PLA1A: variants seen among roughly 807,000 people sequenced by gnomAD.
PLA1A encodes phospholipase A1 member A.
PLA1A carries 47 observed loss-of-function variants against 49.4 expected under a neutral mutation model. The ratio of observed to expected loss-of-function variants is 0.95; its 90% CI spans 0.75 to 1.21. PLA1A has a LOEUF of 1.21. Among genes scored for constraint, PLA1A ranks in the 50% most tolerant of loss-of-function variants. The pLI is 0.00. For missense variants in PLA1A, 561 were observed against 563.9 expected (o/e 0.99, Z 0.05); for synonymous variants, 224 against 207.9 (o/e 1.08, Z -0.67).
intron 9 of PLA1A, 30 bp downstream of exon 9, chr3:119,625,262 T>TAAGGGGAGGAGTCAA: frequency 2.2e-6 from 3 of 1,388,872 alleles, no homozygotes; most frequent in Non-Finnish European, 2.1e-6. Flanking sequence ...GGTTGACTCC[T>TAAGGGGAGGAGTCAA]CCCCTTAGGA....
Position 119,609,503 on chromosome 3 carries a change from T to G in PLA1A, c.489T>G (p.Ile163Met). The G allele has an allele frequency of 1.2e-6, 2 of 1,613,074 alleles. No individual in the cohort carries two copies. Among genetic ancestry groups the G allele is most frequent in the Non-Finnish European group, 1.7e-6 (2 of 1,179,092 alleles). The change falls in exon 4 of 11, where the codon ATT (isoleucine) becomes ATG (methionine). Residue 163 changes from isoleucine to methionine, a missense_variant. Transcript: ENST00000273371. ...LGVSESSIHI[I>M]GVSLGAHVGG... ...TGTCGGAATCCTCAATCCACATCAT[T>G]GGTGTTAGCCTGGGGGCCCACGTTG... is the stretch of plus-strand genomic sequence containing the variant.
At chr3:119,610,900 G>A (rs540669512) in intron 4 of PLA1A, among the ~76,000 whole-genome samples, 2 of 152,126 alleles carry the variant, frequency 1.3e-5, no homozygotes, top group Non-Finnish European at 2.9e-5. Flanking sequence ...CTAATATTCA[G>A]GAGAGTATTT....
At chr3:119,619,767 T>C in intron 8 of PLA1A, 115 bp downstream of exon 8, 1 of 763,824 alleles carries the variant, frequency 1.3e-6, no homozygotes, top group Non-Finnish European at 2.3e-6. Context: ...TCACCGGAGG[T>C]GTGGCAACAG....
chr3:119,625,311 G>A, intron 9 of PLA1A, 79 bp downstream of exon 9: 1 of 905,482 alleles, frequency 1.1e-6, no homozygotes, highest in Non-Finnish European at 1.8e-6. Flanking sequence ...GGACATCCCA[G>A]GTCAGGGACT....
At chr3:119,622,939 G>C (rs1267592138) in intron 8 of PLA1A, among the ~76,000 whole-genome samples, 1 of 151,926 alleles carries the variant, frequency 6.6e-6, no homozygotes, top group African/African-American at 2.4e-5. Flanking sequence ...CAATTCTTCT[G>C]CCTCAGCCTC....
chr3:119,598,010 GA>G, intron 1 of PLA1A, 24 bp downstream of exon 1: 1 of 1,475,140 alleles, frequency 6.8e-7, no homozygotes, highest in Non-Finnish European at 9.4e-7. Context: ...CAGGCCTTGG[GA>G]GGAACTTATT....
intron 8 of PLA1A, among the ~76,000 whole-genome samples, chr3:119,622,217 G>T (rs1279337432): frequency 6.9e-6 from 1 of 145,186 alleles, no homozygotes; most frequent in Non-Finnish European, 1.5e-5. Context: ...GAAGGAGACA[G>T]AATCTTAGAA....
intron 10 of PLA1A, 124 bp downstream of exon 10, chr3:119,628,989 T>A (rs1368450367): frequency 2.4e-6 from 2 of 827,996 alleles, no homozygotes; most frequent in Non-Finnish European, 2.0e-6. Flanking sequence ...GAAGCAGAGA[T>A]GACAGACACC....
intron 4 of PLA1A, 82 bp from the exon 5 acceptor site, chr3:119,612,935 G>T: frequency 1.1e-6 from 1 of 881,936 alleles, no homozygotes. Context: ...GATCTGCACT[G>T]GAAGGGTGGG....
rs2082876771 is a variant in PLA1A at position 119,618,045 on chromosome 3, A to G, written c.781A>G (p.Met261Val). ...AGYSYLICDHMRAVHLYISAL... is the reference protein window; with the variant it reads ...AGYSYLICDHVRAVHLYISAL... ...TTATAGTTATCTGATCTGTGATCAC[A>G]TGAGGGCTGTGCACCTCTACATCAG... Residue 261 changes from methionine to valine, a missense_variant, in exon 7 of 11, where the codon ATG becomes GTG. By Grantham distance (21) the Met-to-Val change is conservative (BLOSUM62 1). Transcript: ENST00000273371. 1.2e-6 allele frequency: 2 copies of G among 1,613,910 alleles called. No homozygotes were observed. The highest frequency in any genetic ancestry group is 2.7e-5 in the African/African-American group (2 of 75,050).
intron 2 of PLA1A, among the ~76,000 whole-genome samples, chr3:119,608,292 GAAAGAA>G (rs1560078942): frequency 1.4e-5 from 2 of 140,398 alleles, no homozygotes; most frequent in East Asian, 4.0e-4. Flanking sequence ...AAGAAAGAAA[GAAAGAA>G]AAAGAAAATG....
chr3:119,605,200 T>G (rs1388355702), intron 1 of PLA1A, among the ~76,000 whole-genome samples: 1 of 152,242 alleles, frequency 6.6e-6, no homozygotes, highest in Non-Finnish European at 1.5e-5. Flanking sequence ...AGCCACAGGC[T>G]GAAGAGCTTA....
chr3:119,614,627 A>G (rs1044315653), intron 5 of PLA1A, among the ~76,000 whole-genome samples: 1 of 150,890 alleles, frequency 6.6e-6, no homozygotes, highest in African/African-American at 2.5e-5. Context: ...AAAAAAAAAA[A>G]AAGTGAATCC....
chr3:119,606,405 A>G (rs2082688642), intron 1 of PLA1A, among the ~76,000 whole-genome samples: 4 of 152,178 alleles, frequency 2.6e-5, no homozygotes, highest in Admixed American at 2.6e-4. Context: ...AACCTTTGTG[A>G]AGACCCCATC....
At chr3:119,624,188 A>C (rs1432822965) in intron 8 of PLA1A, among the ~76,000 whole-genome samples, 1 of 152,222 alleles carries the variant, frequency 6.6e-6, no homozygotes, top group Non-Finnish European at 1.5e-5. Flanking sequence ...TAAGGGTTGC[A>C]CTTTCTGCTC....
At chr3:119,601,360 C>G (rs990363670) in intron 1 of PLA1A, among the ~76,000 whole-genome samples, 1 of 152,116 alleles carries the variant, frequency 6.6e-6, no homozygotes, top group Admixed American at 6.5e-5. Flanking sequence ...GTCATATATG[C>G]CTGAGAGTCA....
At chr3:119,625,701 C>T (rs751290425) in intron 9 of PLA1A, among the ~76,000 whole-genome samples, 1 of 152,158 alleles carries the variant, frequency 6.6e-6, no homozygotes, top group Non-Finnish European at 1.5e-5. Flanking sequence ...CAGTCAGCAA[C>T]GGAGTGCGAG....
chr3:119,613,872 G>A (rs754914636), intron 5 of PLA1A, among the ~76,000 whole-genome samples: 6 of 149,316 alleles, frequency 4.0e-5, no homozygotes, highest in African/African-American at 1.0e-4. Flanking sequence ...CAGCCTGAGC[G>A]ACAGAGCGAG....
chr3:119,615,670 C>T (rs570241228), intron 5 of PLA1A, among the ~76,000 whole-genome samples: 39 of 151,946 alleles, frequency 2.6e-4, no homozygotes, highest in African/African-American at 8.9e-4. Context: ...AAAAACTAGC[C>T]GGGTGTGGTG....
Sources: allele counts gnomAD v4.1 joint callset (sites outside exome capture counted in the v4.1 genomes callset), GRCh38; gene constraint gnomAD v4.1.1; transcripts MANE v1.5; gene names NCBI Gene and HGNC (gene_info 2026-07-23, HGNC 2026-07-21).